The following CSMD1 variants were observed in gnomAD, a reference collection of about 807,000 sequenced individuals.
The protein encoded by CSMD1 is CUB and sushi domain-containing protein 1.
Under a neutral mutation model 417.5 loss-of-function variants are expected in CSMD1, and 213 were observed. The observed-to-expected ratio is 0.51, with a 90% CI of 0.46 to 0.57. The LOEUF is 0.57. CSMD1 is among the 20% of genes least tolerant of loss of function. The pLI, the probability that CSMD1 is intolerant of heterozygous loss-of-function variation, is 0.00. For synonymous variants in CSMD1, 2,862 were observed against 1,736.8 expected (o/e 1.65, Z -16.11); for missense variants, 6,923 against 4,529.7 (o/e 1.53, Z -15.17).
chr8:3,404,124 A>C (rs1368070960), intron 15 of CSMD1, among the ~76,000 whole-genome samples: 1 of 152,172 alleles, frequency 6.6e-6, no homozygotes, highest in Admixed American at 6.5e-5. Flanking sequence ...CTCTGAGGTC[A>C]GGAGTTTGAG....
intron 55 of CSMD1, among the ~76,000 whole-genome samples, chr8:2,975,812 A>G (rs1371721417): frequency 6.6e-6 from 1 of 152,204 alleles, no homozygotes; most frequent in Non-Finnish European, 1.5e-5. Context: ...AAGTGACGAC[A>G]ATTCCAACTG....
chr8:4,068,928 T>C (rs533343733), intron 3 of CSMD1, among the ~76,000 whole-genome samples: 2 of 152,226 alleles, frequency 1.3e-5, no homozygotes, highest in Non-Finnish European at 2.9e-5. Context: ...TATAATTTTG[T>C]GGAGAAATTC....
chr8:4,549,366 G>A (rs964419032), intron 2 of CSMD1, among the ~76,000 whole-genome samples: 4 of 152,146 alleles, frequency 2.6e-5, no homozygotes, highest in Admixed American at 1.3e-4. Context: ...TAATAATGGG[G>A]TATATTGGTT....
chr8:3,453,433 T>G (rs891522920), intron 12 of CSMD1, among the ~76,000 whole-genome samples: 2 of 152,206 alleles, frequency 1.3e-5, no homozygotes, highest in Non-Finnish European at 2.9e-5. Flanking sequence ...TTGCCTGCTT[T>G]CTCTTGTGGG....
At chr8:4,567,176 A>G (rs1250756519) in intron 2 of CSMD1, among the ~76,000 whole-genome samples, 1 of 152,184 alleles carries the variant, frequency 6.6e-6, no homozygotes, top group Non-Finnish European at 1.5e-5. Flanking sequence ...CATTACTTTT[A>G]TGGTAGCATT....
At chr8:3,392,050 G>T (rs1397054111) in intron 17 of CSMD1, among the ~76,000 whole-genome samples, 2 of 142,086 alleles carry the variant, frequency 1.4e-5, no homozygotes, top group African/African-American at 5.2e-5. Context: ...GGTGGGAATT[G>T]AACAATGAGA....
At chr8:4,915,662 G>GAAC (rs1484561429) in intron 1 of CSMD1, among the ~76,000 whole-genome samples, 1 of 152,198 alleles carries the variant, frequency 6.6e-6, no homozygotes, top group African/African-American at 2.4e-5. Context: ...TCGGACGAGG[G>GAAC]AACGTTAGCG....
At chr8:4,083,483 C>G (rs183790474) in intron 3 of CSMD1, among the ~76,000 whole-genome samples, 2 of 152,050 alleles carry the variant, frequency 1.3e-5, no homozygotes, top group Non-Finnish European at 2.9e-5. Flanking sequence ...GTACTGGTAC[C>G]AAAACAGAGA....
At chr8:3,769,294 G>A (rs1032591746) in intron 5 of CSMD1, among the ~76,000 whole-genome samples, 1 of 152,150 alleles carries the variant, frequency 6.6e-6, no homozygotes, top group Non-Finnish European at 1.5e-5. Flanking sequence ...CTAAATAGTG[G>A]TCTTTAGTTA....
chr8:4,864,521 T>A (rs1447048070), intron 1 of CSMD1, among the ~76,000 whole-genome samples: 2 of 151,824 alleles, frequency 1.3e-5, no homozygotes. Context: ...TTTTTGCATA[T>A]GTGATTTTTT....
At chr8:4,205,444 T>C (rs371498593) in intron 3 of CSMD1, among the ~76,000 whole-genome samples, 5 of 152,240 alleles carry the variant, frequency 3.3e-5, no homozygotes, top group Admixed American at 6.5e-5. Context: ...TATTTCATGA[T>C]GCGCCCATTT....
At chr8:4,809,471 G>A (rs1229674475) in intron 1 of CSMD1, among the ~76,000 whole-genome samples, 1 of 152,056 alleles carries the variant, frequency 6.6e-6, no homozygotes, top group African/African-American at 2.4e-5. Flanking sequence ...ACTAACAAGA[G>A]ACTTCCAGGG....
At chr8:4,134,541 C>A (rs932091234) in intron 3 of CSMD1, among the ~76,000 whole-genome samples, 29 of 152,186 alleles carry the variant, frequency 1.9e-4, no homozygotes, top group African/African-American at 6.3e-4. Context: ...GTTGTTTAAG[C>A]CACCTAGTCT....
At chr8:3,549,603 G>C (rs185601706) in intron 10 of CSMD1, among the ~76,000 whole-genome samples, 343 of 152,276 alleles carry the variant, frequency 2.3e-3, no homozygotes, top group African/African-American at 8.0e-3. Context: ...TTGTGAGAGT[G>C]TGGCTTTTTA....
chr8:3,223,938 A>T, intron 27 of CSMD1, 71 bp from the exon 28 acceptor site: 1 of 1,459,926 alleles, frequency 6.8e-7, no homozygotes, highest in East Asian at 2.3e-5. Context: ...GTGTGGAAGG[A>T]GACACCACAG....
At chr8:3,578,715 C>A (rs552432046) in intron 9 of CSMD1, among the ~76,000 whole-genome samples, 5 of 152,156 alleles carry the variant, frequency 3.3e-5, no homozygotes, top group African/African-American at 1.2e-4. Context: ...ACACAGGAGA[C>A]AGCCGAGGGA....
chr8:3,475,596 T>G (rs1817361113), intron 11 of CSMD1, among the ~76,000 whole-genome samples: 1 of 152,190 alleles, frequency 6.6e-6, no homozygotes, highest in South Asian at 2.1e-4. Context: ...AGAATTGTAT[T>G]AATCCAACCT....
chr8:4,803,648 G>T (rs79141839), intron 1 of CSMD1, among the ~76,000 whole-genome samples: 1 of 152,112 alleles, frequency 6.6e-6, no homozygotes, highest in Non-Finnish European at 1.5e-5. Context: ...CCATCCAATA[G>T]AATTCAAAAT....
At chr8:3,174,354 G>A (rs1391540040) in intron 37 of CSMD1, among the ~76,000 whole-genome samples, 3 of 152,140 alleles carry the variant, frequency 2.0e-5, no homozygotes, top group African/African-American at 2.4e-5. Flanking sequence ...AATTAGCTGG[G>A]TGTGGTGGCA....
Sources: gnomAD v4.1 joint callset for allele counts (sites outside exome capture counted in the v4.1 genomes callset) on GRCh38, gnomAD v4.1.1 for gene constraint, MANE v1.5 for transcripts, NCBI Gene and HGNC (gene_info 2026-07-23, HGNC 2026-07-21) for gene names.